The following SYTL4 variants were observed in gnomAD, a reference collection of about 807,000 sequenced individuals.
SYTL4 encodes synaptotagmin like 4, also known as synaptotagmin-like protein 4.
SYTL4 carries 16 observed loss-of-function variants against 52.7 expected under a neutral mutation model. That is an observed-to-expected ratio of 0.30 (90% CI 0.21 to 0.46). SYTL4 has a LOEUF of 0.46. SYTL4 is among the 20% of genes least tolerant of loss of function. The pLI, the probability that SYTL4 is intolerant of heterozygous loss-of-function variation, is 1.00. For missense variants in SYTL4, 423 were observed against 519.9 expected, an observed-to-expected ratio of 0.81 and a Z score of 1.81; for synonymous variants, 160 against 186.6, an observed-to-expected ratio of 0.86 and a Z score of 1.16.
At chrX:100,720,184 G>A (rs1014724074) in intron 2 of SYTL4, among the ~76,000 whole-genome samples, 1 of 112,039 alleles carries the variant, frequency 8.9e-6, no homozygotes, top group Non-Finnish European at 1.9e-5. Context: ...ATCTACATTT[G>A]AAGCTTCCTC....
intron 19 of SYTL4, among the ~76,000 whole-genome samples, chrX:100,677,300 G>A (rs1044416597): frequency 3.6e-5 from 4 of 111,737 alleles, no homozygotes; most frequent in Non-Finnish European, 5.6e-5. Flanking sequence ...GTGAGCAAGG[G>A]GAAGAGTGAT....
At chrX:100,730,695 G>C (rs1385876564) in intron 2 of SYTL4, among the ~76,000 whole-genome samples, 2 of 111,189 alleles carry the variant, frequency 1.8e-5, no homozygotes, top group Non-Finnish European at 3.8e-5. Flanking sequence ...TCACTGCTCT[G>C]ACCAAGAGTG....
Position 100,701,267 on chromosome X carries a change from C to T in SYTL4, c.389G>A (p.Arg130His), listed in dbSNP as rs368733554. ...CATCCTGATTATCTCACTACCTGTG[C>T]GGTAAGCAAAGCGATTCACTTTCTG... Reference protein sequence around the residue: ...YDQKVNRFAYRTGSEIIRMSL... With the variant: ...YDQKVNRFAYHTGSEIIRMSL... The change falls in exon 7 of 20, where the codon CGC becomes CAC. Residue 130 changes from arginine to histidine, a missense_variant. Arg to His is a conservative substitution (Grantham distance 29). Coordinates refer to ENST00000372989, the MANE Select transcript of SYTL4 (RefSeq NM_001370165.1). 47 of 1,211,267 alleles carry T rather than the reference C, an allele frequency of 3.9e-5. No individual in the cohort carries two copies. Among genetic ancestry groups the T allele is most frequent in the Non-Finnish European group, 5.1e-5 (46 of 894,927 alleles).
chrX:100,690,691 T>A (rs2083578943), intron 9 of SYTL4, 53 bp from the exon 10 acceptor site: 2 of 963,093 alleles, frequency 2.1e-6, no homozygotes, highest in African/African-American at 3.8e-5. Flanking sequence ...CTTCCCCTTC[T>A]ACCCAGGGAT....
rs1402864734 is a variant in SYTL4 at position 100,686,706 on chromosome X, A to C, written c.1260T>G (p.Ile420Met). The C allele has an allele frequency of 4.1e-6, 5 of 1,207,498 alleles. No individual in the cohort carries two copies. The highest frequency in any genetic ancestry group is 2.2e-6 in the Non-Finnish European group (2 of 893,392). ...TCAGCGTCTCATCATATAGTGGATT[A>C]ATAGTGTCCCGCTTGATGCTGGTTT... ...KRKTSIKRDT[I>M]NPLYDETLRY... Residue 420 changes from isoleucine to methionine, a missense_variant, in exon 15 of 20, where the codon ATT (isoleucine) becomes ATG (methionine). Ile to Met is a conservative substitution (Grantham distance 10). Transcript: ENST00000372989.
intron 19 of SYTL4, among the ~76,000 whole-genome samples, chrX:100,678,015 G>T (rs767632863): frequency 8.9e-6 from 1 of 111,828 alleles, no homozygotes; most frequent in South Asian, 3.8e-4. Context: ...AGAAGGGTAG[G>T]GGGAGGTGGC....
intron 13 of SYTL4, chrX:100,687,967 A>G (rs186106692): frequency 4.5e-5 from 6 of 132,807 alleles, no homozygotes; most frequent in South Asian, 3.0e-4. Flanking sequence ...ATGTCGATCA[A>G]CCCTGCCAGA....
intron 8 of SYTL4, among the ~76,000 whole-genome samples, chrX:100,698,325 G>C (rs191440487): frequency 5.6e-4 from 62 of 111,107 alleles, no homozygotes; most frequent in African/African-American, 1.3e-3. Context: ...GGATGGTCTC[G>C]ATCTCCTGAC....
intron 2 of SYTL4, among the ~76,000 whole-genome samples, chrX:100,714,827 A>G (rs915152288): frequency 8.9e-6 from 1 of 111,800 alleles, no homozygotes; most frequent in Non-Finnish European, 1.9e-5. Flanking sequence ...AGTCATTAAA[A>G]TCAAGTATAA....
chrX:100,709,642 G>A (rs1057367820), intron 2 of SYTL4, among the ~76,000 whole-genome samples: 2 of 112,332 alleles, frequency 1.8e-5, no homozygotes, highest in Non-Finnish European at 3.8e-5. Flanking sequence ...GCAAAATGAA[G>A]ATAAAAATTG....
chrX:100,697,511 A>G (rs1017785830), intron 8 of SYTL4, among the ~76,000 whole-genome samples: 1 of 112,129 alleles, frequency 8.9e-6, no homozygotes, highest in Non-Finnish European at 1.9e-5. Flanking sequence ...TGAAGTGGAG[A>G]GAAATGAAAA....
chrX:100,719,001 T>TTGGCCAGGCTGGTCTC (rs1158277718), intron 2 of SYTL4, among the ~76,000 whole-genome samples: 1 of 110,712 alleles, frequency 9.0e-6, no homozygotes, highest in Non-Finnish European at 1.9e-5. Context: ...TTTCACCATG[T>TTGGCCAGGCTGGTCTC]TGGCCAGGCT....
At position 100,701,409 on chromosome X, in the gene SYTL4, C is replaced by CA. The variant is rs1248811070; in HGVS notation, c.326+48dup. The CA allele has an allele frequency of 2.5e-6, 3 of 1,179,618 alleles. No homozygotes were observed. The Admixed American group carries it at 6.5e-5, about 26-fold the overall frequency. ...AAAGGCTGAGGAAAGAAATTCTCAC[C>CA]ACGGCCAAGGCCTCGCCCCCTCTCT... is the stretch of plus-strand genomic sequence containing the variant. On this transcript the variant is annotated intron_variant, in intron 6 of 19. Transcript: ENST00000372989.
rs2083925705 is a variant in SYTL4, at chrX:100,704,892, A to G, written c.-239-6T>C. On this transcript the variant is annotated splice_region_variant and splice_polypyrimidine_tract_variant and intron_variant, in intron 2 of 19. Transcript: ENST00000372989. ...TTTCTTTTTTTACTAGTTCCCTACAAAACAGTGGAGAACATAAACAACACG... is the reference window on the plus strand; with the variant it reads ...TTTCTTTTTTTACTAGTTCCCTACAGAACAGTGGAGAACATAAACAACACG... 1 of 112,051 alleles carries G rather than the reference A, an allele frequency of 8.9e-6. No homozygotes were observed. Among genetic ancestry groups the G allele is most frequent in the South Asian group, 3.8e-4 (1 of 2,653 alleles). 9.2% of individuals were successfully genotyped at this position (112,051 alleles called of 1,213,427 possible). A position where few individuals can be genotyped will look rare whatever the true frequency, so the allele number is the denominator to read the frequency against.
chrX:100,714,309 G>C (rs150139703), intron 2 of SYTL4, among the ~76,000 whole-genome samples: 1 of 107,194 alleles, frequency 9.3e-6, no homozygotes, highest in South Asian at 4.3e-4. Context: ...GCCCAGGCTG[G>C]AGTGCAGTGG....
intron 16 of SYTL4, among the ~76,000 whole-genome samples, chrX:100,682,848 C>T (rs1174170456): frequency 1.8e-5 from 2 of 111,392 alleles, no homozygotes; most frequent in Non-Finnish European, 3.8e-5. Context: ...ACACTGCAGC[C>T]GAAGTGCCAA....
At position 100,687,095 on chromosome X, in the gene SYTL4, C is replaced by T; in HGVS notation, c.1156G>A (p.Ala386Thr). The change falls in exon 14 of 20, where the codon GCT (alanine) becomes ACT (threonine). Residue 386 changes from alanine to threonine, a missense_variant. Coordinates refer to ENST00000372989, the MANE Select transcript of SYTL4 (RefSeq NM_001370165.1). ...HVKECHQLAY[A>T]DEAKKRSNPY... ...TTAGAGCGCTTCTTGGCTTCATCAG[C>T]ATAGGCCAGCTGATGGCACTCCTTC... The T allele has an allele frequency of 8.3e-7, 1 of 1,211,443 alleles. No homozygotes were observed. The highest frequency in any genetic ancestry group is 2.3e-4 in the Middle Eastern group (1 of 4,348).
Position 100,722,818 on chromosome X carries a change from C to T in SYTL4, c.-240+8600G>A, listed in dbSNP as rs1048064310. On this transcript the variant is annotated intron_variant, in intron 2 of 19. Coordinates refer to ENST00000372989, the MANE Select transcript of SYTL4 (RefSeq NM_001370165.1). ...CTCATCTCTCCAATCATTTCTCAAC[C>T]CACCATAGTTTAGCTTTCTGCCTCA... Among the ~76,000 whole-genome samples, 62 of 111,777 alleles carry T rather than the reference C, an allele frequency of 5.5e-4. 1 individual carries two copies. The Middle Eastern group carries it at 0.014, about 25-fold the overall frequency.
chrX:100,718,444 A>G lies in SYTL4; in HGVS notation c.-240+12974T>C, dbSNP rs150828787. 6.5e-3 allele frequency among the ~76,000 whole-genome samples: 729 copies of G among 111,588 alleles called. 8 individuals are homozygous for G. The highest frequency in any genetic ancestry group is 0.022 in the African/African-American group (677 of 30,658). On this transcript the variant is annotated intron_variant, in intron 2 of 19. Coordinates refer to ENST00000372989, the MANE Select transcript of SYTL4 (RefSeq NM_001370165.1). ...CATAAATTTTAAAAATAGGATCAAA[A>G]AGAAGAAAAATAGGAGTGGAGACAA...
Sources: allele counts gnomAD v4.1 joint callset (sites outside exome capture counted in the v4.1 genomes callset), GRCh38; gene constraint gnomAD v4.1.1; transcripts MANE v1.5; gene names NCBI Gene and HGNC (gene_info 2026-07-23, HGNC 2026-07-21).